The following CNTN1 variants were observed in gnomAD, a reference collection of about 807,000 sequenced individuals.
The protein encoded by CNTN1 is contactin 1.
In CNTN1, 38 loss-of-function variants were observed where a neutral mutation model predicts 126.4. The ratio of observed to expected loss-of-function variants is 0.30; its 90% CI spans 0.23 to 0.39. The LOEUF (loss-of-function observed/expected upper bound fraction) is 0.39. CNTN1 is among the 10% of genes least tolerant of loss of function. The pLI, the probability that CNTN1 is intolerant of heterozygous loss-of-function variation, is 1.00. For synonymous variants in CNTN1, 413 were observed against 422.6 expected, an observed-to-expected ratio of 0.98 and a Z score of 0.28; for missense variants, 1,009 against 1,248.4, an observed-to-expected ratio of 0.81 and a Z score of 2.89.
At chr12:40,838,560 A>G (rs1942156171) in intron 1 of CNTN1, among the ~76,000 whole-genome samples, 1 of 152,200 alleles carries the variant, frequency 6.6e-6, no homozygotes, top group Non-Finnish European at 1.5e-5. Context: ...CACTGCTGCC[A>G]GCACTGTGGC....
At chr12:41,024,582 T>C (rs906373622) in intron 20 of CNTN1, among the ~76,000 whole-genome samples, 1 of 152,138 alleles carries the variant, frequency 6.6e-6, no homozygotes, top group African/African-American at 2.4e-5. Flanking sequence ...AGTTATTAGA[T>C]ATATTTCTTT....
intron 6 of CNTN1, among the ~76,000 whole-genome samples, chr12:40,925,844 GTATATATA>G (rs1201149636): frequency 8.3e-4 from 32 of 38,354 alleles, no homozygotes; most frequent in African/African-American, 2.6e-3. Context: ...GTGTGTGTGT[GTATATATA>G]TATATATATA....
chr12:40,709,588 T>C (rs1941859045), intron 1 of CNTN1, among the ~76,000 whole-genome samples: 1 of 152,208 alleles, frequency 6.6e-6, no homozygotes, highest in African/African-American at 2.4e-5. Context: ...TATAAGGCTG[T>C]TTCGTTTACG....
intron 1 of CNTN1, among the ~76,000 whole-genome samples, chr12:40,809,814 T>TCTCTCA (rs1422228531): frequency 6.8e-6 from 1 of 146,744 alleles, no homozygotes; most frequent in African/African-American, 2.6e-5. Flanking sequence ...AGACTCTGTC[T>TCTCTCA]CACACACACA....
At chr12:40,889,147 C>T (rs984249089) in intron 1 of CNTN1, among the ~76,000 whole-genome samples, 2 of 152,150 alleles carry the variant, frequency 1.3e-5, no homozygotes, top group Non-Finnish European at 2.9e-5. Context: ...ATCTGTATAC[C>T]TGTATTTATA....
At chr12:40,886,416 G>T (rs1001166238) in intron 1 of CNTN1, among the ~76,000 whole-genome samples, 8 of 151,984 alleles carry the variant, frequency 5.3e-5, no homozygotes, top group African/African-American at 1.7e-4. Context: ...TTATTAAAAG[G>T]GCTTATGGCT....
rs181551307 is a variant in CNTN1 at position 40,979,189 on chromosome 12, T to C, written c.1805-1720T>C. On this transcript the variant is annotated intron_variant, in intron 15 of 23. Coordinates refer to ENST00000551295, the MANE Select transcript of CNTN1 (RefSeq NM_001843.4). ...TTATAGGTTACAAATTTATAAAAGT[T>C]CGCTTGCTTTTCTTATATGTGATAT... 3.8e-3 allele frequency: 584 copies of C among 152,312 alleles called. 3 individuals are homozygous for C. The highest frequency in any genetic ancestry group is 0.013 in the African/African-American group (547 of 41,584). 9.4% of individuals were successfully genotyped at this position (152,312 alleles called of 1,614,324 possible).
At chr12:40,829,006 T>G (rs78356706) in intron 1 of CNTN1, among the ~76,000 whole-genome samples, 15,048 of 152,222 alleles carry the variant, frequency 0.099, 883 homozygotes, top group Non-Finnish European at 0.13. Flanking sequence ...TATACAATTA[T>G]AGGACCCACT....
At chr12:40,748,869 G>A (rs1214272830) in intron 1 of CNTN1, among the ~76,000 whole-genome samples, 1 of 152,052 alleles carries the variant, frequency 6.6e-6, no homozygotes, top group Non-Finnish European at 1.5e-5. Context: ...AAAATGCTTT[G>A]ACAATAAGCA....
At chr12:40,825,920 A>T (rs1941601769) in intron 1 of CNTN1, among the ~76,000 whole-genome samples, 1 of 152,052 alleles carries the variant, frequency 6.6e-6, no homozygotes, top group Admixed American at 6.6e-5. Flanking sequence ...AGACAATTGA[A>T]TCCTGAAACT....
chr12:40,991,656 C>T (rs534140456), intron 16 of CNTN1, among the ~76,000 whole-genome samples: 7 of 152,064 alleles, frequency 4.6e-5, no homozygotes, highest in Admixed American at 6.6e-5. Context: ...GGTGAAATGC[C>T]GTCTCTACTA....
intron 1 of CNTN1, among the ~76,000 whole-genome samples, chr12:40,907,138 C>T (rs1944860555): frequency 6.6e-6 from 1 of 152,112 alleles, no homozygotes; most frequent in Non-Finnish European, 1.5e-5. Flanking sequence ...CCATATCATT[C>T]TTAAGGTGAT....
At chr12:40,790,578 A>G (rs1388377003) in intron 1 of CNTN1, among the ~76,000 whole-genome samples, 1 of 152,014 alleles carries the variant, frequency 6.6e-6, no homozygotes, top group Non-Finnish European at 1.5e-5. Context: ...ACTGCTGTCC[A>G]GACTTTGGAC....
chr12:40,815,767 C>T (rs891352783), intron 1 of CNTN1, among the ~76,000 whole-genome samples: 3 of 152,078 alleles, frequency 2.0e-5, no homozygotes, highest in Non-Finnish European at 4.4e-5. Context: ...GTCCATTCTA[C>T]ATGACATTGT....
At chr12:40,929,367 T>C (rs1298626807) in intron 6 of CNTN1, among the ~76,000 whole-genome samples, 2 of 151,376 alleles carry the variant, frequency 1.3e-5, no homozygotes, top group East Asian at 3.9e-4. Flanking sequence ...AAAAAAAAGA[T>C]AAAGCAATAA....
intron 1 of CNTN1, among the ~76,000 whole-genome samples, chr12:40,724,566 A>T (rs953064843): frequency 2.0e-5 from 3 of 152,226 alleles, no homozygotes; most frequent in Admixed American, 1.3e-4. Flanking sequence ...ATTTTGAAAT[A>T]GATACATAAG....
chr12:40,792,374 C>T (rs1940250434), intron 1 of CNTN1, among the ~76,000 whole-genome samples: 1 of 152,064 alleles, frequency 6.6e-6, no homozygotes, highest in South Asian at 2.1e-4. Flanking sequence ...ATAGAAAATA[C>T]AAGTGCTTGA....
intron 1 of CNTN1, among the ~76,000 whole-genome samples, chr12:40,852,008 G>T (rs2136619080): frequency 6.6e-6 from 1 of 152,190 alleles, no homozygotes; most frequent in East Asian, 1.9e-4. Flanking sequence ...AGGCTAGGTG[G>T]TCTCAACTGG....
In CNTN1 at chr12:40,719,328, C is replaced by T. The variant is rs577143405; in HGVS notation, c.-77+26736C>T. ...TTAAGATTGAGGATAATTGTATTTT[C>T]GGAGTATGGTATTTATGGAGGCTTT... On this transcript the variant is annotated intron_variant, in intron 1 of 23. Transcript: ENST00000551295. 3.9e-5 allele frequency among the ~76,000 whole-genome samples: 6 copies of T among 152,128 alleles called. No homozygotes were observed. In the South Asian group the frequency reaches 8.3e-4, roughly 21 times the overall value.
Sources: allele counts gnomAD v4.1 joint callset (sites outside exome capture counted in the v4.1 genomes callset), GRCh38; gene constraint gnomAD v4.1.1; transcripts MANE v1.5; gene names NCBI Gene and HGNC (gene_info 2026-07-23, HGNC 2026-07-21).